Variants in DAB1 observed in about 807,000 individuals in gnomAD.
The protein encoded by DAB1 is disabled homolog 1.
Under a neutral mutation model 64.6 loss-of-function variants are expected in DAB1, and 15 were observed. That is an observed-to-expected ratio of 0.23 (90% CI 0.16 to 0.36). DAB1 has a LOEUF of 0.36. Among genes scored for constraint, DAB1 ranks in the 10% least tolerant of loss-of-function variants. The pLI is 1.00. For synonymous variants in DAB1, 235 were observed against 251.9 expected, an observed-to-expected ratio of 0.93 and a Z score of 0.64; for missense variants, 596 against 706.7, an observed-to-expected ratio of 0.84 and a Z score of 1.78.
chr1:58,193,166 C>T (rs1027877088), intron 4 of DAB1, among the ~76,000 whole-genome samples: 12 of 152,112 alleles, frequency 7.9e-5, no homozygotes, highest in Admixed American at 7.9e-4. Context: ...TTAGTGCCCT[C>T]CCTGGGAAGA....
chr1:58,438,600 T>C (rs1644971522), intron 3 of DAB1, among the ~76,000 whole-genome samples: 1 of 152,166 alleles, frequency 6.6e-6, no homozygotes, highest in Non-Finnish European at 1.5e-5. Context: ...TGCTAGCAGC[T>C]CACTTACTCC....
At chr1:57,959,791 T>C (rs749451325) in intron 5 of DAB1, among the ~76,000 whole-genome samples, 2 of 152,330 alleles carry the variant, frequency 1.3e-5, no homozygotes, top group East Asian at 1.9e-4. Context: ...AATGCCTTTA[T>C]GCTTTGGAAG....
chr1:58,003,788 G>C (rs1646540889), intron 5 of DAB1, among the ~76,000 whole-genome samples: 2 of 152,164 alleles, frequency 1.3e-5, no homozygotes. Flanking sequence ...TGTTGGCCTT[G>C]AAGTTTACAA....
chr1:58,349,992 C>T (rs1377589373), intron 3 of DAB1, among the ~76,000 whole-genome samples: 3 of 152,088 alleles, frequency 2.0e-5, no homozygotes, highest in Non-Finnish European at 2.9e-5. Flanking sequence ...ATTGCTGGGT[C>T]GAATGGTATT....
chr1:57,543,035 T>C (rs1399361835), intron 7 of DAB1, among the ~76,000 whole-genome samples: 1 of 152,136 alleles, frequency 6.6e-6, no homozygotes, highest in African/African-American at 2.4e-5. Flanking sequence ...CTTGGAGGCA[T>C]ATCCTTTAGC....
chr1:58,091,544 A>G lies in DAB1; in HGVS notation n.387+58967T>C, dbSNP rs149105029. 4.4e-3 allele frequency among the ~76,000 whole-genome samples: 673 copies of G among 152,316 alleles called. 20 individuals carry two copies. The highest frequency in any genetic ancestry group is 0.037 in the Admixed American group (573 of 15,308). ...GTTGATTAAGAAACTGAAGCTTAGA[A>G]AAGTTAAGCAACATCCACAAGATCA... On this transcript the variant is annotated intron_variant and non_coding_transcript_variant, in intron 5 of 20. Coordinates refer to the DAB1 transcript ENST00000485760.
intron 2 of DAB1, among the ~76,000 whole-genome samples, chr1:57,162,543 T>C (rs530933516): frequency 6.6e-6 from 1 of 152,358 alleles, no homozygotes; most frequent in South Asian, 2.1e-4. Context: ...GAGTTTCTAT[T>C]TGCACGTGCA....
At chr1:57,848,730 C>A (rs1243544681) in intron 1 of DAB1, among the ~76,000 whole-genome samples, 1 of 152,204 alleles carries the variant, frequency 6.6e-6, no homozygotes, top group Admixed American at 6.5e-5. Flanking sequence ...TAAGTTGATT[C>A]TGAACTGCCC....
intron 4 of DAB1, among the ~76,000 whole-genome samples, chr1:58,175,568 AG>A (rs1656421483): frequency 1.3e-5 from 2 of 152,286 alleles, no homozygotes; most frequent in South Asian, 4.1e-4. Context: ...CCTAATAACT[AG>A]TGATGTTCAT....
intron 1 of DAB1, among the ~76,000 whole-genome samples, chr1:57,295,706 G>C (rs190299368): frequency 7.2e-5 from 11 of 152,244 alleles, no homozygotes; most frequent in Non-Finnish European, 1.2e-4. Context: ...TTTTTCATAG[G>C]GAGAACTGGG....
At chr1:58,148,693 C>T (rs1017414264) in intron 5 of DAB1, among the ~76,000 whole-genome samples, 11 of 152,134 alleles carry the variant, frequency 7.2e-5, no homozygotes, top group Admixed American at 2.6e-4. Context: ...CAGGAAAGAG[C>T]TTGCGCAGGG....
chr1:57,554,223 A>T (rs895868568), intron 7 of DAB1, among the ~76,000 whole-genome samples: 1 of 152,252 alleles, frequency 6.6e-6, no homozygotes, highest in African/African-American at 2.4e-5. Flanking sequence ...AATCCCATAT[A>T]ATCCAATAAT....
At chr1:57,999,685 CT>C (rs760615856) in intron 5 of DAB1, among the ~76,000 whole-genome samples, 12 of 152,144 alleles carry the variant, frequency 7.9e-5, no homozygotes, top group Non-Finnish European at 1.8e-4. Flanking sequence ...TCACAATGCA[CT>C]GGACGGCCCC....
chr1:57,979,365 G>A (rs1310366098), intron 5 of DAB1, among the ~76,000 whole-genome samples: 4 of 152,064 alleles, frequency 2.6e-5, no homozygotes, highest in Non-Finnish European at 5.9e-5. Flanking sequence ...GTTGAACAAC[G>A]AGAACACATG....
At chr1:57,373,611 T>G (rs148963255) in intron 1 of DAB1, among the ~76,000 whole-genome samples, 2 of 152,168 alleles carry the variant, frequency 1.3e-5, no homozygotes, top group Admixed American at 6.5e-5. Flanking sequence ...GCCTCCCAAA[T>G]TGCCCATGCT....
chr1:57,113,048 G>A (rs1655806882), intron 4 of DAB1, among the ~76,000 whole-genome samples: 1 of 152,130 alleles, frequency 6.6e-6, no homozygotes, highest in African/African-American at 2.4e-5. Context: ...GAAAAAGGGG[G>A]TGAACAGACT....
At chr1:58,300,544 A>AAAAGGAAGAAAG (rs1662099410) in intron 4 of DAB1, among the ~76,000 whole-genome samples, 3 of 101,084 alleles carry the variant, frequency 3.0e-5, no homozygotes, top group Non-Finnish European at 5.8e-5. Flanking sequence ...TGAAACTCTG[A>AAAAGGAAGAAAG]AAAGAAAGAA....
intron 9 of DAB1, among the ~76,000 whole-genome samples, chr1:57,052,567 T>C (rs1485659917): frequency 6.6e-6 from 1 of 152,158 alleles, no homozygotes; most frequent in Non-Finnish European, 1.5e-5. Flanking sequence ...CATTTCAGAG[T>C]GAGCTACTAT....
intron 1 of DAB1, among the ~76,000 whole-genome samples, chr1:57,304,484 C>T (rs1847536): frequency 0.016 from 2,431 of 152,310 alleles, 55 homozygotes; most frequent in African/African-American, 0.056. Flanking sequence ...GTCTCACGGA[C>T]TTGCCCTGGG....
Sources: allele counts gnomAD v4.1 joint callset (sites outside exome capture counted in the v4.1 genomes callset), GRCh38; gene constraint gnomAD v4.1.1; transcripts MANE v1.5; gene names NCBI Gene and HGNC (gene_info 2026-07-23, HGNC 2026-07-21).